The following DCC variants were observed in gnomAD, a reference collection of about 807,000 sequenced individuals.
The protein encoded by DCC is DCC netrin 1 receptor.
DCC carries 58 observed loss-of-function variants against 172.5 expected under a neutral mutation model. That is an observed-to-expected ratio of 0.34 (90% CI 0.27 to 0.42). The LOEUF (loss-of-function observed/expected upper bound fraction) is 0.42, where lower values mean the gene tolerates loss of function less well. Ranked by LOEUF, DCC falls within the 10% of genes least tolerant of loss-of-function variation. The probability of loss-of-function intolerance (pLI) is 1.00; values close to 1 mark genes in which losing one functional copy is unlikely to be tolerated. For missense variants in DCC, 1,740 were observed against 1,791.0 expected (o/e 0.97, Z 0.51); for synonymous variants, 709 against 644.5 (o/e 1.10, Z -1.52).
chr18:53,207,888 C>A, intron 11 of DCC, 71 bp downstream of exon 11: 2 of 1,303,198 alleles, frequency 1.5e-6, no homozygotes, highest in Non-Finnish European at 1.1e-6. Flanking sequence ...TGATATTGCA[C>A]ATATATCATA....
At chr18:52,676,724 G>T (rs2035652343) in intron 1 of DCC, among the ~76,000 whole-genome samples, 1 of 152,178 alleles carries the variant, frequency 6.6e-6, no homozygotes. Context: ...ATCAGCAGGA[G>T]CTTGATTATT....
chr18:53,166,715 C>T (rs550871243), intron 8 of DCC, among the ~76,000 whole-genome samples: 167 of 152,172 alleles, frequency 1.1e-3, no homozygotes, highest in Non-Finnish European at 2.1e-3. Flanking sequence ...TTTAACAATT[C>T]AATAAAAAAC....
At chr18:52,590,746 T>G (rs1307324434) in intron 1 of DCC, among the ~76,000 whole-genome samples, 3 of 152,270 alleles carry the variant, frequency 2.0e-5, no homozygotes, top group African/African-American at 7.2e-5. Context: ...CTGATTTCTG[T>G]GCTTAGCACA....
At chr18:53,471,127 G>A (rs2045690921) in intron 25 of DCC, among the ~76,000 whole-genome samples, 1 of 152,022 alleles carries the variant, frequency 6.6e-6, no homozygotes, top group East Asian at 1.9e-4. Flanking sequence ...CTTGTAACTA[G>A]TCTCTTCTTT....
intron 1 of DCC, among the ~76,000 whole-genome samples, chr18:52,635,557 C>T (rs1385228281): frequency 2.0e-5 from 3 of 152,030 alleles, no homozygotes; most frequent in African/African-American, 7.2e-5. Flanking sequence ...AGACTTAATA[C>T]ATTTATCAGG....
intron 5 of DCC, among the ~76,000 whole-genome samples, chr18:52,960,045 A>T (rs1174434094): frequency 1.3e-5 from 2 of 152,138 alleles, no homozygotes; most frequent in African/African-American, 4.8e-5. Flanking sequence ...TATAGTTTCT[A>T]CTAACATGGA....
chr18:52,373,073 CAGAG>C (rs1985193067), intron 1 of DCC, among the ~76,000 whole-genome samples: 1 of 152,042 alleles, frequency 6.6e-6, no homozygotes, highest in South Asian at 2.1e-4. Flanking sequence ...GTTTGTTTTT[CAGAG>C]AGAAAGATAC....
chr18:53,106,486 ATG>A (rs766680169), intron 7 of DCC, among the ~76,000 whole-genome samples: 24 of 151,904 alleles, frequency 1.6e-4, no homozygotes, highest in Non-Finnish European at 3.2e-4. Context: ...GCTGACTTGG[ATG>A]TGTGTGTTAT....
At chr18:53,086,011 T>TTATTATTATTATTATTATTATTATA (rs2042878954) in intron 7 of DCC, among the ~76,000 whole-genome samples, 1 of 21,896 alleles carries the variant, frequency 4.6e-5, no homozygotes, top group South Asian at 1.0e-3. Context: ...CTTCTCCTTC[T>TTATTATTATTATTATTATTATTATA]CCTTCTCCCT....
At chr18:52,403,354 C>A (rs1598789283) in intron 1 of DCC, among the ~76,000 whole-genome samples, 2 of 152,098 alleles carry the variant, frequency 1.3e-5, no homozygotes, top group South Asian at 2.1e-4. Flanking sequence ...ATGCTCTCCA[C>A]TTCTTATTTT....
At chr18:53,237,165 G>A (rs562116025) in intron 12 of DCC, 6 of 153,798 alleles carry the variant, frequency 3.9e-5, no homozygotes, top group South Asian at 2.0e-4. Context: ...ATCATTATAT[G>A]TATGATCTGG....
intron 11 of DCC, among the ~76,000 whole-genome samples, chr18:53,210,845 C>T (rs918413728): frequency 6.6e-6 from 1 of 151,738 alleles, no homozygotes. Context: ...AGATCTTTGT[C>T]CAGATGAGCT....
chr18:53,003,907 C>CT (rs2143852981), intron 5 of DCC, among the ~76,000 whole-genome samples: 1 of 152,220 alleles, frequency 6.6e-6, no homozygotes, highest in East Asian at 1.9e-4. Flanking sequence ...AGTCAAAGGT[C>CT]TACAAGGTGT....
intron 19 of DCC, among the ~76,000 whole-genome samples, chr18:53,407,993 G>A (rs923269672): frequency 6.6e-5 from 10 of 152,062 alleles, no homozygotes; most frequent in Non-Finnish European, 1.3e-4. Context: ...AAGGTTTGTG[G>A]AATTCTTTAT....
At chr18:52,383,779 A>G (rs1389404460) in intron 1 of DCC, among the ~76,000 whole-genome samples, 2 of 151,726 alleles carry the variant, frequency 1.3e-5, no homozygotes, top group Admixed American at 1.3e-4. Flanking sequence ...TTGGTGTATG[A>G]TATAACAACA....
intron 1 of DCC, among the ~76,000 whole-genome samples, chr18:52,679,319 A>T (rs1400543693): frequency 6.6e-6 from 1 of 152,060 alleles, no homozygotes; most frequent in Non-Finnish European, 1.5e-5. Flanking sequence ...CTAGGAGGCC[A>T]TTGAAATCAC....
chr18:52,354,869 A>G (rs72914993), intron 1 of DCC, among the ~76,000 whole-genome samples: 1 of 151,900 alleles, frequency 6.6e-6, no homozygotes, highest in Non-Finnish European at 1.5e-5. Context: ...TTTCCTTTAC[A>G]TGCCATTATT....
At chr18:52,519,881 A>G (rs1265762172) in intron 1 of DCC, among the ~76,000 whole-genome samples, 1 of 152,200 alleles carries the variant, frequency 6.6e-6, no homozygotes, top group Non-Finnish European at 1.5e-5. Context: ...GCAAAGAAAT[A>G]GTGGGCAATG....
chr18:53,172,561 T>C (rs2055029485), intron 8 of DCC, among the ~76,000 whole-genome samples: 1 of 152,160 alleles, frequency 6.6e-6, no homozygotes, highest in African/African-American at 2.4e-5. Flanking sequence ...ATCCAGTTTA[T>C]TTAGTATTTG....
Sources: gnomAD v4.1 joint callset for allele counts (sites outside exome capture counted in the v4.1 genomes callset) on GRCh38, gnomAD v4.1.1 for gene constraint, MANE v1.5 for transcripts, NCBI Gene and HGNC (gene_info 2026-07-23, HGNC 2026-07-21) for gene names.